The following CCDC51 variants were observed in gnomAD, a reference collection of about 807,000 sequenced individuals.
The protein encoded by CCDC51 is mitochondrial potassium channel.
In CCDC51, 25 loss-of-function variants were observed where a neutral mutation model predicts 24.8. The ratio of observed to expected loss-of-function variants is 1.01; its 90% confidence interval spans 0.73 to 1.41. CCDC51 has a LOEUF of 1.41. Ranked by LOEUF, CCDC51 falls within the 40% of genes most tolerant of loss-of-function variation. The pLI is 0.00. For missense variants in CCDC51, 466 were observed against 519.1 expected, an observed-to-expected ratio of 0.90 and a Z score of 0.99; for synonymous variants, 190 against 204.3, an observed-to-expected ratio of 0.93 and a Z score of 0.60.
Position 48,435,132 on chromosome 3 carries a change from G to C in CCDC51, c.-4C>G, listed in dbSNP as rs776912514. 18 of 1,565,180 alleles carry C rather than the reference G, an allele frequency of 1.2e-5. No individual in the cohort carries two copies. Among genetic ancestry groups the C allele is most frequent in the Non-Finnish European group, 1.5e-5 (17 of 1,156,878 alleles). On this transcript the variant is annotated 5_prime_UTR_variant, in exon 2 of 4. Coordinates refer to ENST00000395694, the MANE Select transcript of CCDC51 (RefSeq NM_001256964.2). This position sits in a 1 kb window ranked among gnomAD's most constrained non-coding sequence, Gnocchi z 4.2. ...ACCCAGGGCTGCGCCCCATCATCCT[G>C]AGATCTGTGAGGGGGACGCCAGACA...
chr3:48,435,050 C>T lies in CCDC51; in HGVS notation c.79G>A (p.Gly27Arg). Residue 27 changes from glycine to arginine, a missense_variant, in exon 2 of 4, where the codon GGA becomes AGA. By Grantham distance (125) the Gly-to-Arg change is moderately radical. Transcript: ENST00000395694. The surrounding 1 kb of genome is among the most constrained non-coding windows in gnomAD (Gnocchi z 4.2). ...PHVLVRRGLL[G>R]RDLFMTRTLC... ...GTCCTGGTCATGAAGAGGTCCCTTCCAAGGAGGCCCCTCCGAACCAGTACG... is the reference window on the plus strand; with the variant it reads ...GTCCTGGTCATGAAGAGGTCCCTTCTAAGGAGGCCCCTCCGAACCAGTACG... 6.2e-7 allele frequency: 1 copy of T among 1,614,002 alleles called. No individual in the cohort carries two copies. Among genetic ancestry groups the T allele is most frequent in the Non-Finnish European group, 8.5e-7 (1 of 1,179,928 alleles).
upstream of CCDC51, chr3:48,443,879 G>C: frequency 6.4e-7 from 1 of 1,558,190 alleles, no homozygotes; most frequent in Non-Finnish European, 8.6e-7. Flanking sequence ...CTGGCAAAAA[G>C]TAAGCTGTTC....
At chr3:48,440,268 C>T (rs1275080613), upstream of CCDC51, 2 of 1,586,584 alleles carry the variant, frequency 1.3e-6, no homozygotes, top group African/African-American at 1.3e-5. Flanking sequence ...TTTCCGGTGG[C>T]AGGGTCTGGG....
At chr3:48,439,408 G>A (rs1456550273) in intron 1 of CCDC51, among the ~76,000 whole-genome samples, 1 of 152,214 alleles carries the variant, frequency 6.6e-6, no homozygotes, top group Admixed American at 6.5e-5. Flanking sequence ...CTGAGGCGGG[G>A]GGATCACGAG....
Position 48,433,437 on chromosome 3 carries a change from T to G in CCDC51, c.477+270A>C, listed in dbSNP as rs2039251279. Among the ~76,000 whole-genome samples the G allele has an allele frequency of 6.6e-6, 1 of 152,158 alleles. No individual in the cohort carries two copies. Among genetic ancestry groups the G allele is most frequent in the African/African-American group, 2.4e-5 (1 of 41,436 alleles). The stretch of plus-strand genomic sequence containing the variant: ...CTACACAAAGGGAAGTGTCCAGCAC[T>G]CCCTAGGCCAGCCCCTCCATAGTTC... On this transcript the variant is annotated intron_variant, in intron 3 of 3. Coordinates refer to ENST00000395694, the MANE Select transcript of CCDC51 (RefSeq NM_001256964.2). This position sits in a 1 kb window ranked among gnomAD's most constrained non-coding sequence, Gnocchi z 4.4.
chr3:48,443,812 T>C, upstream of CCDC51: 1 of 1,539,676 alleles, frequency 6.5e-7, no homozygotes, highest in East Asian at 2.4e-5. Flanking sequence ...GTAAGAACTA[T>C]ATTTTTCCCT....
At chr3:48,440,529 G>A, upstream of CCDC51, 1 of 1,609,758 alleles carries the variant, frequency 6.2e-7, no homozygotes, top group Non-Finnish European at 8.5e-7. Flanking sequence ...AACACGCTCT[G>A]CCTCTCCCCA....
chr3:48,440,009 C>T lies in CCDC51; in HGVS notation c.-30G>A, dbSNP rs536420934. On this transcript the variant is annotated 5_prime_UTR_variant, in exon 1 of 4. In the 5' UTR this introduces an upstream ATG that the reference lacks. Transcript: ENST00000395694. ...CTACCTGCAGTGCTCTTCCCGCGCACGGCCACAGGCCTGGTAGGCCGTCCG... is the reference window on the plus strand; with the variant it reads ...CTACCTGCAGTGCTCTTCCCGCGCATGGCCACAGGCCTGGTAGGCCGTCCG... The T allele has an allele frequency of 2.0e-5, 10 of 496,688 alleles. No homozygotes were observed. The highest frequency in any genetic ancestry group is 3.9e-5 in the African/African-American group (2 of 51,402). 30.8% of individuals were successfully genotyped at this position (496,688 alleles called of 1,614,324 possible).
Position 48,433,775 on chromosome 3 carries a change from A to T in CCDC51, c.409T>A (p.Leu137Met), listed in dbSNP as rs370602856. 6.2e-7 allele frequency: 1 copy of T among 1,614,080 alleles called. No homozygotes were observed. The highest frequency in any genetic ancestry group is 8.5e-7 in the Non-Finnish European group (1 of 1,180,006). Residue 137 changes from leucine (L) to methionine (M), a missense_variant, in exon 3 of 4, where the codon TTG (leucine) becomes ATG (methionine). By Grantham distance (15) the Leu-to-Met change is conservative. Transcript: ENST00000395694. This position sits in a 1 kb window ranked among gnomAD's most constrained non-coding sequence, Gnocchi z 4.4. ...CTGTCCTCCCTGGAGACACGGTCCA[A>T]GCGGTCCCTCACCTCCTTCAGCTTG... is the stretch of plus-strand genomic sequence containing the variant. ...QAKLKEVRDR[L>M]DRVSREDSQY...
At chr3:48,444,512 A>G (rs977688082), upstream of CCDC51, among the ~76,000 whole-genome samples, 3 of 152,180 alleles carry the variant, frequency 2.0e-5, no homozygotes, top group African/African-American at 7.2e-5. Flanking sequence ...ACCTCAAGTG[A>G]TCTGCCTGCT....
upstream of CCDC51, among the ~76,000 whole-genome samples, chr3:48,443,112 C>T (rs962131627): frequency 5.3e-5 from 8 of 151,602 alleles, no homozygotes; most frequent in Non-Finnish European, 8.8e-5. Context: ...TGGTGGCATG[C>T]GCCTTTAGTC....
chr3:48,432,846 C>T lies in CCDC51; in HGVS notation c.798G>A (p.Met266Ile). ...CATGTACCAGGCCCCTCAGGTCCAC[C>T]ATGAGATTGTGGAGGTCCCTCTGCT... Reference protein sequence around the residue: ...SRQQRDLHNLMVDLRGLVHAA... With the variant: ...SRQQRDLHNLIVDLRGLVHAA... Residue 266 changes from methionine (M) to isoleucine (I), a missense_variant, in exon 4 of 4, where the codon ATG becomes ATA. Physicochemically the swap from Met to Ile is conservative, Grantham distance 10 (BLOSUM62 1). Coordinates refer to ENST00000395694, the MANE Select transcript of CCDC51 (RefSeq NM_001256964.2). 6.2e-7 allele frequency: 1 copy of T among 1,613,724 alleles called. No individual in the cohort carries two copies. Among genetic ancestry groups the T allele is most frequent in the South Asian group, 1.1e-5 (1 of 91,048 alleles).
chr3:48,439,362 G>A (rs1473594553), intron 1 of CCDC51, among the ~76,000 whole-genome samples: 2 of 152,204 alleles, frequency 1.3e-5, no homozygotes, highest in Non-Finnish European at 2.9e-5. Flanking sequence ...GGCTGGGTGC[G>A]GTGGCTCACG....
chr3:48,441,413 C>G (rs1270415375), upstream of CCDC51, among the ~76,000 whole-genome samples: 7 of 151,342 alleles, frequency 4.6e-5, no homozygotes, highest in Admixed American at 2.6e-4. Flanking sequence ...GAACTCCTGA[C>G]TTCAAGTGAT....
At chr3:48,439,160 A>G (rs1394071591) in intron 1 of CCDC51, among the ~76,000 whole-genome samples, 1 of 152,054 alleles carries the variant, frequency 6.6e-6, no homozygotes, top group African/African-American at 2.4e-5. Context: ...TATTTTTTCC[A>G]TGCATATATC....
At chr3:48,438,441 G>A (rs1360908630) in intron 1 of CCDC51, among the ~76,000 whole-genome samples, 4 of 151,866 alleles carry the variant, frequency 2.6e-5, no homozygotes, top group African/African-American at 9.7e-5. Flanking sequence ...AATCTAATGG[G>A]GATCTCATCT....
chr3:48,436,576 A>C (rs567914397), intron 1 of CCDC51, among the ~76,000 whole-genome samples: 5 of 152,350 alleles, frequency 3.3e-5, no homozygotes, highest in Non-Finnish European at 7.4e-5. Context: ...CCAGCAGCCC[A>C]GTCAGACTCC....
upstream of CCDC51, chr3:48,440,652 C>G: frequency 6.2e-7 from 1 of 1,601,874 alleles, no homozygotes; most frequent in Non-Finnish European, 8.5e-7. Context: ...GAATGGAGCT[C>G]AAGCTGGCCA....
At chr3:48,440,214 G>A, upstream of CCDC51, 1 of 1,519,368 alleles carries the variant, frequency 6.6e-7, no homozygotes, top group African/African-American at 1.4e-5. Flanking sequence ...CCAATCAGCG[G>A]GGCCGCCTCG....
Sources: allele counts gnomAD v4.1 joint callset (sites outside exome capture counted in the v4.1 genomes callset), GRCh38; gene constraint gnomAD v4.1.1; non-coding constraint Gnocchi (gnomAD v3.1); transcripts MANE v1.5; gene names NCBI Gene and HGNC (gene_info 2026-07-23, HGNC 2026-07-21).